ELMO1: variants seen among roughly 807,000 people sequenced by gnomAD.
The protein encoded by ELMO1 is engulfment and cell motility 1.
A neutral mutation model predicts 98.9 loss-of-function variants in ELMO1; 26 were observed. The ratio of observed to expected loss-of-function variants is 0.26; its 90% confidence interval spans 0.19 to 0.36. The LOEUF is 0.36. Ranked by LOEUF, ELMO1 falls within the 10% of genes least tolerant of loss-of-function variation. ELMO1 has a pLI of 1.00. For missense variants in ELMO1, 627 were observed against 935.2 expected (o/e 0.67, Z 4.30); for synonymous variants, 346 against 346.0 (o/e 1.00, Z 0.00).
At chr7:37,400,062 G>C (rs146424761) in intron 1 of ELMO1, among the ~76,000 whole-genome samples, 1 of 152,282 alleles carries the variant, frequency 6.6e-6, no homozygotes, top group East Asian at 1.9e-4. Flanking sequence ...ACACTTCCTA[G>C]CTATTTAATA....
At chr7:37,306,300 G>T (rs1362890731) in intron 4 of ELMO1, among the ~76,000 whole-genome samples, 2 of 152,164 alleles carry the variant, frequency 1.3e-5, no homozygotes, top group African/African-American at 2.4e-5. Flanking sequence ...TATATTTAGA[G>T]AACACTACAG....
At chr7:37,210,355 T>C (rs1584813297) in intron 13 of ELMO1, among the ~76,000 whole-genome samples, 1 of 152,026 alleles carries the variant, frequency 6.6e-6, no homozygotes, top group East Asian at 1.9e-4. Flanking sequence ...GAAAAACAAA[T>C]CAGTAATGAA....
chr7:37,388,517 T>G (rs536008382), intron 1 of ELMO1, among the ~76,000 whole-genome samples: 1 of 151,920 alleles, frequency 6.6e-6, no homozygotes, highest in Non-Finnish European at 1.5e-5. Flanking sequence ...TATTATAATT[T>G]GGAGCAGGGC....
At chr7:37,165,868 G>A (rs1320599335) in intron 13 of ELMO1, among the ~76,000 whole-genome samples, 1 of 152,134 alleles carries the variant, frequency 6.6e-6, no homozygotes, top group Admixed American at 6.6e-5. Flanking sequence ...AGTTAGGGAG[G>A]ATTCCCTCTT....
At chr7:36,882,036 G>A (rs1804507203) in intron 18 of ELMO1, among the ~76,000 whole-genome samples, 1 of 152,184 alleles carries the variant, frequency 6.6e-6, no homozygotes, top group East Asian at 1.9e-4. Context: ...GCAACCACTG[G>A]TAGGTGTGAA....
intron 1 of ELMO1, among the ~76,000 whole-genome samples, chr7:37,386,609 A>T (rs1002621241): frequency 6.6e-6 from 1 of 150,784 alleles, no homozygotes; most frequent in Non-Finnish European, 1.5e-5. Context: ...TTTAGTAGAG[A>T]TCCAGGGTCC....
chr7:37,290,399 T>TTTAATTTAATTTAAAA (rs1797614246), intron 4 of ELMO1, among the ~76,000 whole-genome samples: 1 of 152,226 alleles, frequency 6.6e-6, no homozygotes, highest in Admixed American at 6.5e-5. Flanking sequence ...AATTATGTAA[T>TTTAATTTAATTTAAAA]CTCTGATACT....
chr7:37,280,161 G>A lies in ELMO1; in HGVS notation c.193-8279C>T, dbSNP rs144446535. On this transcript the variant is annotated intron_variant, in intron 4 of 21. Transcript: ENST00000310758. ...ATTGGCAAGCCATATGTCGGAGAAT[G>A]AAACTGGATCCTCATTTCTCACCTT... is the stretch of plus-strand genomic sequence containing the variant. Among the ~76,000 whole-genome samples, 123 of 152,302 alleles carry A rather than the reference G, an allele frequency of 8.1e-4. 1 individual carries two copies. The highest frequency in any genetic ancestry group is 2.0e-3 in the Admixed American group (30 of 15,292).
At chr7:36,968,979 G>C (rs1397422652) in intron 16 of ELMO1, among the ~76,000 whole-genome samples, 1 of 152,030 alleles carries the variant, frequency 6.6e-6, no homozygotes, top group African/African-American at 2.4e-5. Flanking sequence ...ATCTTTAGTA[G>C]TAGTTTAGAT....
intron 1 of ELMO1, among the ~76,000 whole-genome samples, chr7:37,426,859 C>A (rs1365848871): frequency 6.6e-6 from 1 of 151,966 alleles, no homozygotes; most frequent in African/African-American, 2.4e-5. Flanking sequence ...CCTTGTTATT[C>A]TTTTTCCAAG....
At chr7:36,909,543 T>C (rs749921664) in intron 16 of ELMO1, among the ~76,000 whole-genome samples, 2 of 152,252 alleles carry the variant, frequency 1.3e-5, no homozygotes, top group African/African-American at 2.4e-5. Context: ...CCATTGAACA[T>C]GGCATGAACT....
intron 16 of ELMO1, among the ~76,000 whole-genome samples, chr7:37,008,942 G>A (rs757403125): frequency 2.6e-5 from 4 of 152,158 alleles, no homozygotes; most frequent in African/African-American, 4.8e-5. Flanking sequence ...AATCTGTGGT[G>A]CGGTTGGCCG....
intron 16 of ELMO1, among the ~76,000 whole-genome samples, chr7:36,968,550 C>T (rs919284955): frequency 6.6e-6 from 1 of 152,060 alleles, no homozygotes; most frequent in Non-Finnish European, 1.5e-5. Context: ...ATATTGCCAC[C>T]CATTAAATTC....
chr7:37,026,291 C>T (rs554390481), intron 15 of ELMO1, among the ~76,000 whole-genome samples: 18 of 152,268 alleles, frequency 1.2e-4, no homozygotes, highest in African/African-American at 3.8e-4. Context: ...CTTGCAGAGC[C>T]ATGGTGTGAC....
chr7:37,435,144 C>G (rs562566473), intron 1 of ELMO1: 31 of 152,524 alleles, frequency 2.0e-4, no homozygotes, highest in African/African-American at 7.5e-4. Flanking sequence ...GTGTTTACAA[C>G]TAATTGATCT....
chr7:36,865,913 AC>A (rs1245743489), intron 20 of ELMO1, among the ~76,000 whole-genome samples: 3 of 152,228 alleles, frequency 2.0e-5, no homozygotes, highest in Non-Finnish European at 4.4e-5. Context: ...TGAATAAAGG[AC>A]TTTTTGGCTA....
At chr7:37,257,572 A>C (rs1199320912) in intron 6 of ELMO1, among the ~76,000 whole-genome samples, 1 of 146,360 alleles carries the variant, frequency 6.8e-6, no homozygotes, top group African/African-American at 2.6e-5. Context: ...AAAATACAAA[A>C]ATTAGCTGGG....
At chr7:37,399,598 A>G (rs551566474) in intron 1 of ELMO1, among the ~76,000 whole-genome samples, 1 of 152,322 alleles carries the variant, frequency 6.6e-6, no homozygotes, top group South Asian at 2.1e-4. Context: ...CTTCGGGTAG[A>G]ACATTCAACA....
chr7:37,100,634 C>T (rs1478997880), intron 14 of ELMO1, among the ~76,000 whole-genome samples: 1 of 152,246 alleles, frequency 6.6e-6, no homozygotes, highest in Non-Finnish European at 1.5e-5. Flanking sequence ...GCAGCCAGCC[C>T]TTGAGGGCTT....
Sources: allele counts gnomAD v4.1 joint callset (sites outside exome capture counted in the v4.1 genomes callset), GRCh38; gene constraint gnomAD v4.1.1; transcripts MANE v1.5; gene names NCBI Gene and HGNC (gene_info 2026-07-23, HGNC 2026-07-21).